WFDC11: variants seen among roughly 807,000 people sequenced by gnomAD.
WFDC11 encodes the protein WAP four-disulfide core domain 11.
WFDC11 carries 9 observed loss-of-function variants against 9.9 expected under a neutral mutation model. That is an observed-to-expected ratio of 0.91 (90% CI 0.55 to 1.58). The LOEUF (loss-of-function observed/expected upper bound fraction) is 1.58. WFDC11 is among the 40% of genes most tolerant of loss of function. The probability of loss-of-function intolerance (pLI) is 0.00; values close to 1 mark genes in which losing one functional copy is unlikely to be tolerated. For missense variants in WFDC11, 106 were observed against 101.7 expected, an observed-to-expected ratio of 1.04 and a Z score of -0.18; for synonymous variants, 32 against 33.3, an observed-to-expected ratio of 0.96 and a Z score of 0.13.
Position 45,670,020 on chromosome 20 carries a change from G to A in WFDC11, c.-134+158C>T, listed in dbSNP as rs1267761787. Among the ~76,000 whole-genome samples the A allele has an allele frequency of 5.9e-5, 9 of 152,082 alleles. No homozygotes were observed. In the East Asian group the frequency reaches 1.5e-3, roughly 26 times the overall value. ...CCCATAAAAATACAAACAAAAATCA[G>A]AGACTATTACAAACACCACTATGCA... is the stretch of plus-strand genomic sequence containing the variant. On this transcript the variant is annotated intron_variant, in intron 1 of 4. Transcript: ENST00000324384.
At chr20:45,656,716 C>T (rs544118168) in intron 2 of WFDC11, among the ~76,000 whole-genome samples, 7 of 152,186 alleles carry the variant, frequency 4.6e-5, no homozygotes, top group East Asian at 1.9e-4. Flanking sequence ...CCAGAATCTA[C>T]AAAGAACTCA....
chr20:45,667,201 G>A (rs188321434), intron 1 of WFDC11, 32 bp from the exon 2 acceptor site: 2 of 152,360 alleles, frequency 1.3e-5, no homozygotes, highest in Admixed American at 6.5e-5. Context: ...AGCAAAACCA[G>A]TCAATTATGC....
rs149653661 is a variant in WFDC11, at chr20:45,650,548, G to A, written c.53C>T (p.Thr18Met). The stretch of plus-strand genomic sequence containing the variant: ...TTCTCCCAGCACAGACAGTAGCACC[G>A]TACAGAAGAATGTCATGAGCATGGG... ...WIPMLMTFFC[T>M]VLLSVLGEMR... The change falls in exon 3 of 5, where the codon ACG becomes ATG. Residue 18 changes from threonine (T) to methionine (M), a missense_variant. Transcript: ENST00000324384. The A allele has an allele frequency of 1.7e-3, 2,697 of 1,613,958 alleles. 14 individuals carry two copies. Among genetic ancestry groups the A allele is most frequent in the South Asian group, 5.1e-3 (466 of 91,066 alleles).
chr20:45,666,066 G>A (rs1983181724), intron 2 of WFDC11, among the ~76,000 whole-genome samples: 4 of 152,186 alleles, frequency 2.6e-5, no homozygotes, highest in African/African-American at 7.2e-5. Flanking sequence ...GCTGAGCTGC[G>A]ATGGGCTCTG....
At chr20:45,661,361 G>A (rs1449178355) in intron 2 of WFDC11, among the ~76,000 whole-genome samples, 2 of 151,736 alleles carry the variant, frequency 1.3e-5, no homozygotes, top group African/African-American at 4.8e-5. Flanking sequence ...CTCCCATTTT[G>A]TAGGTTGCCT....
At chr20:45,650,439 TC>T in intron 3 of WFDC11, 61 bp downstream of exon 3, 1 of 1,371,930 alleles carries the variant, frequency 7.3e-7, no homozygotes. Context: ...TGAAACCCCC[TC>T]CCTTGTTCAG....
At chr20:45,660,887 G>GT (rs1483181864) in intron 2 of WFDC11, among the ~76,000 whole-genome samples, 2 of 152,186 alleles carry the variant, frequency 1.3e-5, no homozygotes, top group South Asian at 2.1e-4. Flanking sequence ...ACGTGTGCAT[G>GT]TGTCTTTATA....
intron 1 of WFDC11, among the ~76,000 whole-genome samples, chr20:45,668,312 T>C (rs1983227374): frequency 1.3e-5 from 2 of 152,140 alleles, no homozygotes; most frequent in African/African-American, 4.8e-5. Flanking sequence ...CAGAGTTGTT[T>C]GGTTGGGATG....
At chr20:45,659,380 C>T (rs1451945432) in intron 2 of WFDC11, among the ~76,000 whole-genome samples, 2 of 152,156 alleles carry the variant, frequency 1.3e-5, no homozygotes. Flanking sequence ...CCTGTTTTTT[C>T]CTGACTTTTT....
At chr20:45,658,020 A>C (rs1156373724) in intron 2 of WFDC11, among the ~76,000 whole-genome samples, 1 of 152,202 alleles carries the variant, frequency 6.6e-6, no homozygotes, top group South Asian at 2.1e-4. Context: ...GCTTGCTGTT[A>C]TATAATGACT....
At chr20:45,651,518 C>A (rs746427589) in intron 2 of WFDC11, among the ~76,000 whole-genome samples, 2 of 152,134 alleles carry the variant, frequency 1.3e-5, no homozygotes, top group Non-Finnish European at 2.9e-5. Flanking sequence ...CAGCTCCCAG[C>A]GTGAGCGACA....
chr20:45,651,579 A>G (rs1982806990), intron 2 of WFDC11, among the ~76,000 whole-genome samples: 1 of 152,158 alleles, frequency 6.6e-6, no homozygotes, highest in South Asian at 2.1e-4. Context: ...GGTTCATCTC[A>G]CTGGGGAGTG....
intron 2 of WFDC11, among the ~76,000 whole-genome samples, chr20:45,651,747 G>C (rs6104272): frequency 0.048 from 7,175 of 148,934 alleles, 339 homozygotes; most frequent in East Asian, 0.22. Flanking sequence ...CTAATACTGC[G>C]CTTTTCCAAC....
chr20:45,659,462 G>C (rs772953033), intron 2 of WFDC11, among the ~76,000 whole-genome samples: 1 of 152,228 alleles, frequency 6.6e-6, no homozygotes, highest in Non-Finnish European at 1.5e-5. Flanking sequence ...CTAATGACCA[G>C]TGATGACGAG....
At chr20:45,667,461 T>G (rs1983209604) in intron 1 of WFDC11, among the ~76,000 whole-genome samples, 1 of 147,608 alleles carries the variant, frequency 6.8e-6, no homozygotes, top group South Asian at 2.1e-4. Context: ...GGAAGGAGGA[T>G]CTACATATCT....
rs563718489 is a variant in WFDC11, at chr20:45,652,695, G to A, written c.-51-2044C>T. On this transcript the variant is annotated intron_variant, in intron 2 of 4. Transcript: ENST00000324384. ...TAAAAACCTTGAAAAAAAATTAGAC[G>A]AATGGCCAACTAGAATAACCAATGC... Among the ~76,000 whole-genome samples the A allele has an allele frequency of 3.3e-5, 5 of 152,196 alleles. No homozygotes were observed. The East Asian group carries it at 5.8e-4, about 18-fold the overall frequency.
intron 2 of WFDC11, 54 bp from the exon 3 acceptor site, chr20:45,650,705 G>T: frequency 1.0e-6 from 1 of 953,802 alleles, no homozygotes; most frequent in Non-Finnish European, 1.6e-6. Flanking sequence ...AAGAGAAAGT[G>T]CTTGTCGAAT....
chr20:45,668,554 T>C (rs923285473), intron 1 of WFDC11, among the ~76,000 whole-genome samples: 1 of 152,204 alleles, frequency 6.6e-6, no homozygotes, highest in African/African-American at 2.4e-5. Context: ...GAGCAACTCA[T>C]GCTTAGTGCA....
At chr20:45,668,457 T>C (rs904225606) in intron 1 of WFDC11, among the ~76,000 whole-genome samples, 19 of 151,756 alleles carry the variant, frequency 1.3e-4, no homozygotes, top group Non-Finnish European at 2.5e-4. Context: ...CCCTCATCAA[T>C]TTATATCATT....
Sources: gnomAD v4.1 joint callset for allele counts (sites outside exome capture counted in the v4.1 genomes callset) on GRCh38, gnomAD v4.1.1 for gene constraint, MANE v1.5 for transcripts, NCBI Gene and HGNC (gene_info 2026-07-23, HGNC 2026-07-21) for gene names.